LINGO2: variants seen among roughly 807,000 people sequenced by gnomAD.
LINGO2 encodes the protein leucine rich repeat and Ig domain containing 2, also known as leucine-rich repeat and immunoglobulin-like domain-containing nogo receptor-interacting protein 2.
Under a neutral mutation model 30.6 loss-of-function variants are expected in LINGO2, and 14 were observed. The ratio of observed to expected loss-of-function variants is 0.46; its 90% CI spans 0.30 to 0.72. LINGO2 has a LOEUF of 0.72. Ranked by LOEUF, LINGO2 falls within the 30% of genes least tolerant of loss-of-function variation. The pLI is 0.07. For missense variants in LINGO2, 729 were observed against 751.7 expected, an observed-to-expected ratio of 0.97 and a Z score of 0.35; for synonymous variants, 317 against 288.5, an observed-to-expected ratio of 1.10 and a Z score of -1.00.
At chr9:28,645,331 T>C (rs149827069) in intron 1 of LINGO2, among the ~76,000 whole-genome samples, 1 of 152,204 alleles carries the variant, frequency 6.6e-6, no homozygotes, top group East Asian at 1.9e-4. Flanking sequence ...TAAACATAAG[T>C]CATCATTTAA....
At chr9:28,878,900 C>A in the LINGO2 span, among the ~76,000 whole-genome samples, 3 of 152,238 alleles carry the variant, frequency 2.0e-5, no homozygotes, top group South Asian at 2.1e-4. Context: ...TGGGCAAAAA[C>A]TGGAAGCATT....
the LINGO2 span, among the ~76,000 whole-genome samples, chr9:29,119,761 G>A: frequency 6.6e-6 from 1 of 151,534 alleles, no homozygotes; most frequent in Non-Finnish European, 1.5e-5. Context: ...ACCACACCCG[G>A]CTAATTTTGT....
At chr9:28,978,163 T>C in the LINGO2 span, among the ~76,000 whole-genome samples, 1 of 152,152 alleles carries the variant, frequency 6.6e-6, no homozygotes, top group African/African-American at 2.4e-5. Context: ...ATTGGAAATA[T>C]ATAAAAACTC....
At chr9:28,396,885 G>A (rs1822070751) in intron 2 of LINGO2, among the ~76,000 whole-genome samples, 1 of 151,850 alleles carries the variant, frequency 6.6e-6, no homozygotes, top group African/African-American at 2.4e-5. Flanking sequence ...AGGAGTGGGA[G>A]GTAAAATCAG....
the LINGO2 span, among the ~76,000 whole-genome samples, chr9:29,141,783 A>T: frequency 6.7e-6 from 1 of 149,924 alleles, no homozygotes; most frequent in African/African-American, 2.5e-5. Flanking sequence ...GATTTGAGGT[A>T]AAAAAACTGT....
intron 3 of LINGO2, among the ~76,000 whole-genome samples, chr9:28,348,716 A>G (rs1587511377): frequency 1.3e-5 from 2 of 151,848 alleles, no homozygotes; most frequent in East Asian, 1.9e-4. Flanking sequence ...AAACAAAAAG[A>G]CAGCAGTAAC....
chr9:28,062,042 T>G (rs538812717), intron 4 of LINGO2, among the ~76,000 whole-genome samples: 5 of 152,248 alleles, frequency 3.3e-5, no homozygotes, highest in African/African-American at 9.6e-5. Context: ...AGGTTGTTAC[T>G]ACTAACACTT....
chr9:28,332,559 T>C (rs574186293), intron 3 of LINGO2, among the ~76,000 whole-genome samples: 16 of 151,420 alleles, frequency 1.1e-4, no homozygotes, highest in Non-Finnish European at 2.4e-4. Flanking sequence ...GTTGGCCTTG[T>C]TGAAATGGGA....
rs146332008 is a variant in LINGO2 at position 28,205,664 on chromosome 9, C to G, written c.-87+89544G>C. ...AAAACATGGCAGTATTTATCCAGAT[C>G]TGACCAGGTAGAAAATCATTCATTT... On this transcript the variant is annotated intron_variant, in intron 4 of 5. Coordinates refer to ENST00000379992, the Ensembl canonical transcript of LINGO2. 4.6e-3 allele frequency among the ~76,000 whole-genome samples: 699 copies of G among 152,238 alleles called. 4 individuals carry two copies. Among genetic ancestry groups the G allele is most frequent in the South Asian group, 0.012 (60 of 4,812 alleles).
At chr9:27,938,305 C>A in the LINGO2 span, 2 of 151,808 alleles carry the variant, frequency 1.3e-5, no homozygotes, top group South Asian at 4.2e-4. Flanking sequence ...CCTGGGGCTC[C>A]CAGGGAAAGC....
chr9:28,458,017 T>C (rs964140945), intron 2 of LINGO2, among the ~76,000 whole-genome samples: 1 of 152,154 alleles, frequency 6.6e-6, no homozygotes, highest in Non-Finnish European at 1.5e-5. Flanking sequence ...GAGACTATAA[T>C]TATCAATTTC....
the LINGO2 span, among the ~76,000 whole-genome samples, chr9:28,976,777 TA>T: frequency 9.5e-5 from 14 of 147,276 alleles, no homozygotes; most frequent in Admixed American, 1.4e-4. Flanking sequence ...CCTGCATCAT[TA>T]AAAAAAAAAG....
intron 4 of LINGO2, among the ~76,000 whole-genome samples, chr9:28,094,374 C>T (rs970051802): frequency 2.6e-5 from 4 of 152,094 alleles, no homozygotes; most frequent in Admixed American, 1.3e-4. Context: ...CCTCACCTCT[C>T]TAACCCAGAA....
intron 2 of LINGO2, among the ~76,000 whole-genome samples, chr9:28,457,124 C>G (rs190182208): frequency 6.6e-6 from 1 of 152,142 alleles, no homozygotes; most frequent in East Asian, 1.9e-4. Context: ...TTGTGCACAT[C>G]ATGGAAATAT....
At chr9:28,277,072 C>T (rs950084196) in intron 4 of LINGO2, among the ~76,000 whole-genome samples, 2 of 152,098 alleles carry the variant, frequency 1.3e-5, no homozygotes, top group Non-Finnish European at 2.9e-5. Flanking sequence ...TGCTTTGTTG[C>T]ACTTTGTGAT....
At chr9:28,810,407 C>T in the LINGO2 span, among the ~76,000 whole-genome samples, 42 of 152,022 alleles carry the variant, frequency 2.8e-4, 1 homozygote, top group East Asian at 3.7e-3. Context: ...AAAATAAAAA[C>T]GAAGTTATAA....
chr9:28,318,552 T>C (rs1457488628), intron 3 of LINGO2, among the ~76,000 whole-genome samples: 1 of 152,190 alleles, frequency 6.6e-6, no homozygotes, highest in East Asian at 1.9e-4. Context: ...AATGTGACAC[T>C]TGTTTGGCTG....
chr9:28,106,293 A>G (rs1826590721), intron 4 of LINGO2, among the ~76,000 whole-genome samples: 1 of 152,174 alleles, frequency 6.6e-6, no homozygotes, highest in Admixed American at 6.6e-5. Context: ...CTAAGGCAAA[A>G]GGAAGACCCA....
the LINGO2 span, among the ~76,000 whole-genome samples, chr9:28,730,640 C>G: frequency 6.6e-6 from 1 of 152,012 alleles, no homozygotes; most frequent in Admixed American, 6.6e-5. Flanking sequence ...GGGCAAAATA[C>G]ATGAACAGAC....
Sources: allele counts gnomAD v4.1 joint callset (sites outside exome capture counted in the v4.1 genomes callset), GRCh38; gene constraint gnomAD v4.1.1; transcripts MANE v1.5; gene names NCBI Gene and HGNC (gene_info 2026-07-23, HGNC 2026-07-21).